Variants in PCDH15 observed in about 807,000 individuals in gnomAD.
PCDH15 encodes protocadherin related 15, also known as protocadherin-15.
PCDH15 carries 129 observed loss-of-function variants against 178.5 expected under a neutral mutation model. The ratio of observed to expected loss-of-function variants is 0.72; its 90% CI spans 0.63 to 0.84. PCDH15 has a LOEUF of 0.84. Among genes scored for constraint, PCDH15 ranks in the 40% least tolerant of loss-of-function variants. The pLI, the probability that PCDH15 is intolerant of heterozygous loss-of-function variation, is 0.00. For missense variants in PCDH15, 2,230 were observed against 2,099.9 expected (o/e 1.06, Z -1.21); for synonymous variants, 800 against 732.0 (o/e 1.09, Z -1.50).
chr10:55,430,236 A>G (rs1254809090), intron 2 of PCDH15, among the ~76,000 whole-genome samples: 1 of 152,164 alleles, frequency 6.6e-6, no homozygotes, highest in Non-Finnish European at 1.5e-5. Context: ...GGCTGCAGTT[A>G]GCTGAGATTG....
chr10:53,932,588 G>A (rs148561672), intron 25 of PCDH15, among the ~76,000 whole-genome samples: 53 of 152,268 alleles, frequency 3.5e-4, no homozygotes, highest in Non-Finnish European at 3.7e-4. Flanking sequence ...TTGGGGAAAA[G>A]TATACTGTTG....
intron 1 of PCDH15, among the ~76,000 whole-genome samples, chr10:55,286,483 T>C (rs866571241): frequency 2.6e-5 from 4 of 151,750 alleles, no homozygotes; most frequent in African/African-American, 9.7e-5. Flanking sequence ...GTCATATCTG[T>C]AGCTGTAGTC....
chr10:54,480,880 A>G (rs1389915224), intron 3 of PCDH15, among the ~76,000 whole-genome samples: 1 of 152,056 alleles, frequency 6.6e-6, no homozygotes, highest in African/African-American at 2.4e-5. Flanking sequence ...ATGATAAAAC[A>G]CGTATTTCTA....
rs899207031 is a variant in PCDH15, at chr10:54,362,554, T to A, written c.474+6566A>T. ...ATGAAGCATCCTTTAAAATTTCATG[T>A]TATTAATACTGAAAGAAACAGAACT... On this transcript the variant is annotated intron_variant, in intron 5 of 37. Coordinates refer to ENST00000644397, the MANE Select transcript of PCDH15 (RefSeq NM_001384140.1). 1.1e-4 allele frequency among the ~76,000 whole-genome samples: 16 copies of A among 152,112 alleles called. 1 individual carries two copies. Among genetic ancestry groups the A allele is most frequent in the East Asian group, 9.6e-4 (5 of 5,190 alleles).
chr10:54,622,635 T>A (rs1188553571), intron 2 of PCDH15, among the ~76,000 whole-genome samples: 3 of 40,184 alleles, frequency 7.5e-5, no homozygotes, highest in East Asian at 7.5e-4. Context: ...ATAATATATA[T>A]TATATAATTA....
chr10:54,695,695 TG>T (rs1454807330), intron 1 of PCDH15, among the ~76,000 whole-genome samples: 20 of 152,236 alleles, frequency 1.3e-4, no homozygotes, highest in African/African-American at 4.8e-4. Context: ...AAGTTGAGGC[TG>T]ATACTTACTG....
intron 18 of PCDH15, among the ~76,000 whole-genome samples, chr10:54,039,844 C>A (rs901943502): frequency 1.3e-5 from 2 of 151,858 alleles, no homozygotes; most frequent in African/African-American, 4.8e-5. Flanking sequence ...CCATCTATTG[C>A]CATCAGTTTT....
At chr10:54,563,387 G>GT (rs2088508223) in intron 2 of PCDH15, among the ~76,000 whole-genome samples, 9 of 152,152 alleles carry the variant, frequency 5.9e-5, no homozygotes, top group African/African-American at 1.9e-4. Flanking sequence ...GGGTTTACAT[G>GT]AGTAATTGCC....
At chr10:55,258,332 C>T (rs1842057611) in intron 1 of PCDH15, among the ~76,000 whole-genome samples, 1 of 152,160 alleles carries the variant, frequency 6.6e-6, no homozygotes, top group African/African-American at 2.4e-5. Flanking sequence ...TTAATTAACT[C>T]TTGCCCTACC....
chr10:54,268,496 G>A (rs1279361525), intron 8 of PCDH15, among the ~76,000 whole-genome samples: 2 of 151,810 alleles, frequency 1.3e-5, no homozygotes, highest in African/African-American at 4.8e-5. Context: ...AATAGCAAAG[G>A]CATGGAATCA....
intron 2 of PCDH15, among the ~76,000 whole-genome samples, chr10:55,408,525 A>G (rs1173018608): frequency 6.6e-6 from 1 of 152,178 alleles, no homozygotes; most frequent in Non-Finnish European, 1.5e-5. Flanking sequence ...ATATGAGACA[A>G]AGGAAAACAC....
At chr10:54,580,168 T>G (rs2090907397) in intron 2 of PCDH15, among the ~76,000 whole-genome samples, 1 of 151,744 alleles carries the variant, frequency 6.6e-6, no homozygotes. Context: ...ATACAAAAGA[T>G]CAACAAGACC....
At chr10:55,602,117 A>T (rs890688518) in intron 2 of PCDH15, among the ~76,000 whole-genome samples, 1 of 152,112 alleles carries the variant, frequency 6.6e-6, no homozygotes, top group Non-Finnish European at 1.5e-5. Context: ...AGTCAAGGAA[A>T]GGGGTGACAG....
chr10:55,123,502 T>G (rs573399065), intron 2 of PCDH15, among the ~76,000 whole-genome samples: 1 of 152,262 alleles, frequency 6.6e-6, no homozygotes, highest in Non-Finnish European at 1.5e-5. Flanking sequence ...TTTTCTATTA[T>G]GTAATGATAA....
Position 55,358,521 on chromosome 10 carries a change from A to C in PCDH15, c.-155-191870T>G, listed in dbSNP as rs185675201. Reference sequence around the variant, plus strand: ...TATGTAATCATGTCCTACTATAGTGAATTTCAAGAGGATATCAGCATATCT... The same window carrying C: ...TATGTAATCATGTCCTACTATAGTGCATTTCAAGAGGATATCAGCATATCT... On this transcript the variant is annotated intron_variant, in intron 2 of 5. Coordinates refer to the PCDH15 transcript ENST00000613346. Among the ~76,000 whole-genome samples, 90 of 152,222 alleles carry C rather than the reference A, an allele frequency of 5.9e-4. 1 individual carries two copies. The highest frequency in any genetic ancestry group is 1.2e-3 in the South Asian group (6 of 4,830).
chr10:54,111,394 T>C (rs1187813924), intron 15 of PCDH15, among the ~76,000 whole-genome samples: 2 of 152,098 alleles, frequency 1.3e-5, no homozygotes, highest in African/African-American at 4.8e-5. Context: ...CAGAATAGTT[T>C]AACTCTGTTC....
chr10:54,229,264 T>C (rs544621964), intron 9 of PCDH15, among the ~76,000 whole-genome samples: 1 of 152,294 alleles, frequency 6.6e-6, no homozygotes, highest in East Asian at 1.9e-4. Flanking sequence ...AATACAATTA[T>C]TTATAATGTT....
chr10:54,173,553 C>A (rs1013089262), intron 13 of PCDH15, among the ~76,000 whole-genome samples: 1 of 137,872 alleles, frequency 7.3e-6, no homozygotes, highest in Non-Finnish European at 1.7e-5. Context: ...AATGAATTAA[C>A]CTGAAATATA....
chr10:54,988,476 T>C (rs542123662), intron 2 of PCDH15, among the ~76,000 whole-genome samples: 623 of 152,154 alleles, frequency 4.1e-3, no homozygotes, highest in Admixed American at 6.7e-3. Context: ...GGCCAAAAGG[T>C]TGATAGTGAT....
Sources: gnomAD v4.1 joint callset for allele counts (sites outside exome capture counted in the v4.1 genomes callset) on GRCh38, gnomAD v4.1.1 for gene constraint, MANE v1.5 for transcripts, NCBI Gene and HGNC (gene_info 2026-07-23, HGNC 2026-07-21) for gene names.